NDST4: variants seen among roughly 807,000 people sequenced by gnomAD.
NDST4 encodes the protein N-heparan sulfate sulfotransferase 4.
Under a neutral mutation model 100.8 loss-of-function variants are expected in NDST4, and 63 were observed. That is an observed-to-expected ratio of 0.62 (90% CI 0.51 to 0.77). The LOEUF is 0.77. NDST4 is among the 30% of genes least tolerant of loss of function. The probability of loss-of-function intolerance (pLI) is 0.00; values close to 1 mark genes in which losing one functional copy is unlikely to be tolerated. For missense variants in NDST4, 943 were observed against 1,018.4 expected (o/e 0.93, Z 1.01); for synonymous variants, 377 against 361.8 (o/e 1.04, Z -0.48).
intron 2 of NDST4, among the ~76,000 whole-genome samples, chr4:114,985,000 A>G (rs1455093558): frequency 6.6e-6 from 1 of 152,192 alleles, no homozygotes; most frequent in Non-Finnish European, 1.5e-5. Flanking sequence ...TACATTAACA[A>G]AAAACTTATA....
chr4:114,853,639 A>G (rs1356813736), intron 7 of NDST4, among the ~76,000 whole-genome samples: 1 of 152,232 alleles, frequency 6.6e-6, no homozygotes, highest in Non-Finnish European at 1.5e-5. Context: ...CTACACAATA[A>G]TTATATTCAA....
intron 4 of NDST4, 122 bp from the exon 5 acceptor site, chr4:114,937,625 C>T: frequency 1.3e-6 from 1 of 788,300 alleles, no homozygotes; most frequent in Non-Finnish European, 1.9e-6. Flanking sequence ...ATTAAAAATC[C>T]AGCAAGGTAG....
chr4:114,952,854 A>G (rs1726048146), intron 4 of NDST4, among the ~76,000 whole-genome samples: 1 of 152,072 alleles, frequency 6.6e-6, no homozygotes, highest in Non-Finnish European at 1.5e-5. Flanking sequence ...TTTCCATGCT[A>G]ATCTAAGCTT....
chr4:115,045,012 A>G (rs28576070), intron 2 of NDST4, among the ~76,000 whole-genome samples: 5,889 of 152,036 alleles, frequency 0.039, 419 homozygotes, highest in African/African-American at 0.13. Flanking sequence ...TATGAAATGC[A>G]AGTTGGTAGA....
intron 1 of NDST4, among the ~76,000 whole-genome samples, chr4:115,085,233 A>G (rs1384490288): frequency 6.6e-6 from 1 of 152,162 alleles, no homozygotes; most frequent in East Asian, 1.9e-4. Context: ...TGGAAGGGGT[A>G]TATTTACCCA....
intron 4 of NDST4, among the ~76,000 whole-genome samples, chr4:114,943,211 A>C (rs1220274744): frequency 6.6e-6 from 1 of 151,410 alleles, no homozygotes; most frequent in Non-Finnish European, 1.5e-5. Flanking sequence ...TAAATCTTAA[A>C]AACAGGACAA....
intron 6 of NDST4, among the ~76,000 whole-genome samples, chr4:114,906,220 GAT>G (rs967118567): frequency 6.6e-6 from 1 of 151,930 alleles, no homozygotes; most frequent in Admixed American, 6.6e-5. Flanking sequence ...TGAAAAGAAA[GAT>G]AGACTTAGTC....
intron 6 of NDST4, among the ~76,000 whole-genome samples, chr4:114,893,048 T>G (rs1341142511): frequency 6.6e-6 from 1 of 152,122 alleles, no homozygotes; most frequent in Non-Finnish European, 1.5e-5. Flanking sequence ...TCCATCTTCA[T>G]CCATGTCCCT....
At chr4:115,012,377 G>A (rs577137337) in intron 2 of NDST4, among the ~76,000 whole-genome samples, 8 of 152,054 alleles carry the variant, frequency 5.3e-5, no homozygotes, top group East Asian at 1.9e-4. Context: ...ACTACTTGAT[G>A]TTATGGCTCA....
intron 4 of NDST4, among the ~76,000 whole-genome samples, chr4:114,961,441 G>T (rs748978709): frequency 6.6e-6 from 1 of 151,910 alleles, no homozygotes; most frequent in South Asian, 2.1e-4. Context: ...AACTAAATTG[G>T]AAAAACTTTA....
At chr4:114,935,406 T>C (rs1578399241) in intron 5 of NDST4, 72 bp from the exon 6 acceptor site, 3 of 1,345,384 alleles carry the variant, frequency 2.2e-6, no homozygotes, top group South Asian at 2.0e-5. Context: ...CTCATAACTT[T>C]AGAATCTGCA....
chr4:115,060,296 G>T (rs1044386753), intron 2 of NDST4, among the ~76,000 whole-genome samples: 9 of 151,828 alleles, frequency 5.9e-5, no homozygotes, highest in Admixed American at 4.6e-4. Context: ...GTCTCAATTT[G>T]GCAAAAGTTT....
chr4:115,108,266 ATTGT>A (rs1272188099), intron 1 of NDST4, among the ~76,000 whole-genome samples: 1 of 151,988 alleles, frequency 6.6e-6, no homozygotes, highest in East Asian at 1.9e-4. Context: ...TGTTTAAATG[ATTGT>A]TATGTAGGCA....
intron 2 of NDST4, among the ~76,000 whole-genome samples, chr4:115,044,777 T>C (rs1325882781): frequency 6.8e-6 from 1 of 146,384 alleles, no homozygotes; most frequent in East Asian, 2.0e-4. Flanking sequence ...ACAATATAAT[T>C]ATGTATAAAT....
chr4:115,086,531 T>G (rs1470195785), intron 1 of NDST4, among the ~76,000 whole-genome samples: 1 of 152,044 alleles, frequency 6.6e-6, no homozygotes, highest in East Asian at 1.9e-4. Context: ...CTCCTAAAAG[T>G]GTCATTTCAA....
chr4:115,105,496 T>C (rs916840714), intron 1 of NDST4, among the ~76,000 whole-genome samples: 2 of 152,162 alleles, frequency 1.3e-5, no homozygotes, highest in African/African-American at 4.8e-5. Flanking sequence ...ACCCAGTGGT[T>C]ATTTACTTGA....
intron 2 of NDST4, among the ~76,000 whole-genome samples, chr4:115,045,103 A>G (rs1470719599): frequency 6.6e-6 from 1 of 152,104 alleles, no homozygotes; most frequent in Non-Finnish European, 1.5e-5. Context: ...AAGAACTTGA[A>G]TGAAGTCTAA....
At chr4:115,109,196 A>G (rs1729892926) in intron 1 of NDST4, among the ~76,000 whole-genome samples, 1 of 151,882 alleles carries the variant, frequency 6.6e-6, no homozygotes, top group Non-Finnish European at 1.5e-5. Context: ...GAGCTAATGA[A>G]AAGAGATTAA....
intron 6 of NDST4, among the ~76,000 whole-genome samples, chr4:114,911,218 A>T (rs558586091): frequency 9.2e-5 from 14 of 152,148 alleles, no homozygotes; most frequent in Admixed American, 5.2e-4. Flanking sequence ...TTCTTTGCTG[A>T]TTTTATTTCC....
Sources: gnomAD v4.1 joint callset for allele counts (sites outside exome capture counted in the v4.1 genomes callset) on GRCh38, gnomAD v4.1.1 for gene constraint, MANE v1.5 for transcripts, NCBI Gene and HGNC (gene_info 2026-07-23, HGNC 2026-07-21) for gene names.